The following ATP6V1H variants were observed in gnomAD, a reference collection of about 807,000 sequenced individuals.
ATP6V1H encodes V-type proton ATPase subunit H.
Under a neutral mutation model 71.7 loss-of-function variants are expected in ATP6V1H, and 39 were observed. That is an observed-to-expected ratio of 0.54 (90% CI 0.42 to 0.71). ATP6V1H has a LOEUF of 0.71. Among genes scored for constraint, ATP6V1H ranks in the 30% least tolerant of loss-of-function variants. The probability of loss-of-function intolerance (pLI) is 0.00; values close to 1 mark genes in which losing one functional copy is unlikely to be tolerated. For missense variants in ATP6V1H, 509 were observed against 594.9 expected, an observed-to-expected ratio of 0.86 and a Z score of 1.50; for synonymous variants, 192 against 199.3, an observed-to-expected ratio of 0.96 and a Z score of 0.31.
intron 6 of ATP6V1H, among the ~76,000 whole-genome samples, chr8:53,812,392 G>A (rs1810305950): frequency 6.6e-6 from 1 of 152,206 alleles, no homozygotes; most frequent in Non-Finnish European, 1.5e-5. Flanking sequence ...CAATTCTAAT[G>A]AAAACTATTC....
chr8:53,750,941 ATGACT>A (rs1300291364), intron 12 of ATP6V1H, among the ~76,000 whole-genome samples: 4 of 151,622 alleles, frequency 2.6e-5, no homozygotes, highest in African/African-American at 9.8e-5. Flanking sequence ...TGTAGCAAGC[ATGACT>A]CTAAGTGTTT....
intron 9 of ATP6V1H, among the ~76,000 whole-genome samples, chr8:53,775,142 G>A (rs980685758): frequency 1.3e-5 from 2 of 152,180 alleles, no homozygotes; most frequent in South Asian, 2.1e-4. Context: ...CAGGAGTGAA[G>A]CTGCAGACCT....
At position 53,801,893 on chromosome 8, in the gene ATP6V1H, A is replaced by C. The variant is rs778442158; in HGVS notation, c.583T>G (p.Ser195Ala). 1.8e-5 allele frequency: 29 copies of C among 1,612,896 alleles called. No homozygotes were observed. The African/African-American group carries it at 3.9e-4, about 22-fold the overall frequency. ...CCGGCCACGCACTGCACATACTGCG[A>C]ACTCTGCACAAGAAGAAGTGTTGAG... Reference protein sequence around the residue: ...ETGTVSSSDSSQYVQCVAGCL... With the variant: ...ETGTVSSSDSAQYVQCVAGCL... Residue 195 changes from serine to alanine, a missense_variant, in exon 8 of 14, where the codon TCG (serine) becomes GCG (alanine). This residue lies in a region of ATP6V1H where 297 missense variants were observed against 303.3 expected (regional missense o/e 0.98). Coordinates refer to ENST00000359530, the MANE Select transcript of ATP6V1H (RefSeq NM_015941.4).
intron 4 of ATP6V1H, among the ~76,000 whole-genome samples, chr8:53,825,422 A>G (rs910708923): frequency 1.3e-5 from 2 of 152,092 alleles, no homozygotes; most frequent in South Asian, 2.1e-4. Context: ...AGATCAAATA[A>G]GCTGACATTC....
chr8:53,816,921 C>T (rs1374568501), intron 5 of ATP6V1H, among the ~76,000 whole-genome samples: 3 of 152,096 alleles, frequency 2.0e-5, no homozygotes, highest in Non-Finnish European at 4.4e-5. Context: ...TAGTTAACCC[C>T]ACTACAAACA....
chr8:53,824,531 G>A (rs1438380023), intron 4 of ATP6V1H, among the ~76,000 whole-genome samples: 1 of 152,020 alleles, frequency 6.6e-6, no homozygotes, highest in Non-Finnish European at 1.5e-5. Context: ...ATGACCAAGT[G>A]GGATTTAACC....
intron 4 of ATP6V1H, among the ~76,000 whole-genome samples, chr8:53,823,178 C>T (rs1396760611): frequency 1.3e-5 from 2 of 151,700 alleles, no homozygotes; most frequent in Non-Finnish European, 2.9e-5. Flanking sequence ...AACTTATACC[C>T]CTTAAGAAAG....
intron 13 of ATP6V1H, among the ~76,000 whole-genome samples, chr8:53,721,300 A>G (rs1806602345): frequency 6.6e-6 from 1 of 152,186 alleles, no homozygotes. Flanking sequence ...TGTTTTTCCT[A>G]CATAACAGCT....
intron 7 of ATP6V1H, among the ~76,000 whole-genome samples, chr8:53,806,245 C>T (rs984449270): frequency 5.3e-5 from 8 of 151,684 alleles, no homozygotes; most frequent in Non-Finnish European, 1.0e-4. Flanking sequence ...AATATCTCTA[C>T]CACTGGGAAA....
intron 2 of ATP6V1H, among the ~76,000 whole-genome samples, chr8:53,836,203 G>A (rs1238053883): frequency 5.9e-5 from 9 of 152,168 alleles, no homozygotes; most frequent in Admixed American, 5.9e-4. Context: ...GAACTTCCTA[G>A]ATAAAAATAA....
At chr8:53,737,073 C>A (rs1206171916) in intron 13 of ATP6V1H, among the ~76,000 whole-genome samples, 1 of 152,224 alleles carries the variant, frequency 6.6e-6, no homozygotes, top group Admixed American at 6.5e-5. Flanking sequence ...TCACATGGAC[C>A]CCCTTAGAGC....
intron 13 of ATP6V1H, among the ~76,000 whole-genome samples, chr8:53,733,218 G>C (rs909843886): frequency 5.9e-5 from 9 of 152,206 alleles, no homozygotes; most frequent in African/African-American, 2.2e-4. Flanking sequence ...CACCCGCCTG[G>C]ACTTGAAGGA....
intron 9 of ATP6V1H, among the ~76,000 whole-genome samples, chr8:53,776,584 A>G (rs924827861): frequency 3.3e-5 from 5 of 152,244 alleles, no homozygotes; most frequent in African/African-American, 1.2e-4. Context: ...TGCCTGCTAA[A>G]CAACCTCAAT....
At chr8:53,828,951 G>A (rs891261729) in intron 4 of ATP6V1H, among the ~76,000 whole-genome samples, 2 of 152,134 alleles carry the variant, frequency 1.3e-5, no homozygotes, top group Admixed American at 1.3e-4. Context: ...TCATAATTGG[G>A]TTCAGGGATG....
intron 7 of ATP6V1H, chr8:53,807,006 C>G: frequency 3.1e-6 from 1 of 324,250 alleles, no homozygotes; most frequent in South Asian, 2.5e-5. Flanking sequence ...GTGAGTTACT[C>G]CAGGTCCCCA....
chr8:53,837,849 C>CA (rs1221298061), intron 2 of ATP6V1H, among the ~76,000 whole-genome samples: 2 of 152,164 alleles, frequency 1.3e-5, no homozygotes, highest in African/African-American at 4.8e-5. Context: ...GAACCGCAGA[C>CA]ACAGGATCGC....
intron 13 of ATP6V1H, among the ~76,000 whole-genome samples, chr8:53,725,758 G>A (rs1401525647): frequency 2.0e-5 from 3 of 152,004 alleles, no homozygotes; most frequent in African/African-American, 4.8e-5. Flanking sequence ...TAAACAAAGA[G>A]AAGGAAGAAA....
chr8:53,772,319 T>A, intron 9 of ATP6V1H, 152 bp from the exon 10 acceptor site: 1 of 634,168 alleles, frequency 1.6e-6, no homozygotes, highest in Non-Finnish European at 2.7e-6. Context: ...AAATCCTTAC[T>A]TCGCTCCTGA....
intron 7 of ATP6V1H, among the ~76,000 whole-genome samples, chr8:53,810,235 CCTAA>C (rs1810229064): frequency 6.6e-6 from 1 of 152,164 alleles, no homozygotes; most frequent in Non-Finnish European, 1.5e-5. Flanking sequence ...CTCCGTTTTC[CCTAA>C]CTTTCTATCA....
Sources: gnomAD v4.1 joint callset for allele counts (sites outside exome capture counted in the v4.1 genomes callset) on GRCh38, gnomAD v4.1.1 for gene constraint, gnomAD v4.1.1 regional missense constraint, MANE v1.5 for transcripts, NCBI Gene and HGNC (gene_info 2026-07-23, HGNC 2026-07-21) for gene names.